STX6: variants seen among roughly 807,000 people sequenced by gnomAD.
STX6 encodes the protein syntaxin 6, also known as syntaxin-6.
A neutral mutation model predicts 38.0 loss-of-function variants in STX6; 23 were observed. The ratio of observed to expected loss-of-function variants is 0.60; its 90% confidence interval spans 0.43 to 0.86. The LOEUF (loss-of-function observed/expected upper bound fraction) is 0.86, where lower values mean the gene tolerates loss of function less well. STX6 is among the 40% of genes least tolerant of loss of function. The pLI is 0.00. For synonymous variants in STX6, 123 were observed against 107.5 expected, an observed-to-expected ratio of 1.14 and a Z score of -0.89; for missense variants, 274 against 312.9, an observed-to-expected ratio of 0.88 and a Z score of 0.94.
Position 181,022,711 on chromosome 1 carries a change from A to T in STX6, c.-38T>A, listed in dbSNP as rs576840013. ...CCGGCCGCCTTCACCTCCTCCGCGC[A>T]CAGGGCGCCCGTGCCTCCCGGTCTC... On this transcript the variant is annotated 5_prime_UTR_variant, in exon 1 of 8. Coordinates refer to ENST00000258301, the MANE Select transcript of STX6 (RefSeq NM_005819.6). 1.3e-6 allele frequency: 2 copies of T among 1,586,326 alleles called. No homozygotes were observed. The highest frequency in any genetic ancestry group is 1.8e-5 in the Admixed American group (1 of 56,664).
intron 1 of STX6, among the ~76,000 whole-genome samples, chr1:181,020,796 T>C (rs996033941): frequency 3.3e-5 from 5 of 152,244 alleles, no homozygotes; most frequent in Non-Finnish European, 7.3e-5. Flanking sequence ...GGGTAATTTG[T>C]TTCTCAGATT....
chr1:180,976,728 T>A, intron 7 of STX6, 82 bp from the exon 8 acceptor site: 1 of 1,362,548 alleles, frequency 7.3e-7, no homozygotes, highest in Non-Finnish European at 1.0e-6. Flanking sequence ...TATGGCACCC[T>A]TTGAAGCAGA....
intron 1 of STX6, among the ~76,000 whole-genome samples, chr1:181,009,849 G>A (rs1188203293): frequency 6.7e-6 from 1 of 149,446 alleles, no homozygotes; most frequent in African/African-American, 2.6e-5. Context: ...ACTAATGAGT[G>A]GATAAACTGT....
chr1:180,982,708 G>C (rs545643668), intron 7 of STX6, among the ~76,000 whole-genome samples: 1 of 152,190 alleles, frequency 6.6e-6, no homozygotes, highest in South Asian at 2.1e-4. Flanking sequence ...GAGGCCTGGA[G>C]TTTAAACTGG....
chr1:180,984,115 A>G (rs1426821818), intron 7 of STX6, among the ~76,000 whole-genome samples: 1 of 147,848 alleles, frequency 6.8e-6, no homozygotes, highest in Non-Finnish European at 1.5e-5. Flanking sequence ...CTCTACTGGG[A>G]AAAAAACCAA....
intron 1 of STX6, among the ~76,000 whole-genome samples, chr1:181,012,151 A>T (rs1656420169): frequency 6.6e-6 from 1 of 152,138 alleles, no homozygotes; most frequent in Non-Finnish European, 1.5e-5. Context: ...CTTCTTGGTA[A>T]ATAACAATCT....
intron 5 of STX6, chr1:180,988,738 C>A (rs967978193): frequency 1.2e-5 from 2 of 166,986 alleles, no homozygotes; most frequent in African/African-American, 4.8e-5. Context: ...CAGACTGCCA[C>A]AGCTTAAATA....
intron 2 of STX6, among the ~76,000 whole-genome samples, chr1:181,004,965 G>T (rs1339944076): frequency 1.3e-5 from 2 of 150,524 alleles, no homozygotes; most frequent in Admixed American, 6.6e-5. Context: ...AGAAAAAAAG[G>T]GTTTTTTTTT....
intron 2 of STX6, 80 bp from the exon 3 acceptor site, chr1:181,002,780 G>T: frequency 1.1e-6 from 1 of 939,682 alleles, no homozygotes; most frequent in Non-Finnish European, 1.7e-6. Flanking sequence ...TCTCTCACAT[G>T]CAAACAAATA....
At chr1:180,987,079 G>A (rs534105466) in intron 6 of STX6, among the ~76,000 whole-genome samples, 22 of 152,114 alleles carry the variant, frequency 1.4e-4, no homozygotes, top group African/African-American at 3.9e-4. Flanking sequence ...ATAAGTAGTC[G>A]TACCTCCTTA....
chr1:180,999,846 C>T (rs906646656), intron 3 of STX6, among the ~76,000 whole-genome samples: 4 of 152,072 alleles, frequency 2.6e-5, no homozygotes, highest in African/African-American at 4.8e-5. Flanking sequence ...CTAATTTGAA[C>T]TTCATTTCAT....
intron 2 of STX6, among the ~76,000 whole-genome samples, chr1:181,004,822 G>A (rs943640045): frequency 6.6e-6 from 1 of 152,082 alleles, no homozygotes; most frequent in Non-Finnish European, 1.5e-5. Flanking sequence ...CCTAGGGCTT[G>A]CAACTGGCAT....
At chr1:180,993,705 C>A (rs1655819907) in intron 3 of STX6, among the ~76,000 whole-genome samples, 1 of 152,138 alleles carries the variant, frequency 6.6e-6, no homozygotes, top group East Asian at 1.9e-4. Flanking sequence ...GTGCTAAACA[C>A]ATACACACAT....
chr1:181,018,938 G>C (rs2102336328), intron 1 of STX6, among the ~76,000 whole-genome samples: 1 of 152,282 alleles, frequency 6.6e-6, no homozygotes, highest in Admixed American at 6.5e-5. Context: ...TGTGAAATCA[G>C]GTTGTTCTAA....
intron 7 of STX6, among the ~76,000 whole-genome samples, chr1:180,984,088 A>AAAAAAAAAAAAAAAAAAAAAC (rs57204299): frequency 9.9e-6 from 1 of 101,374 alleles, no homozygotes; most frequent in Non-Finnish European, 2.4e-5. Context: ...AAAAAAAAAA[A>AAAAAAAAAAAAAAAAAAAAAC]AACACAACGA....
intron 1 of STX6, among the ~76,000 whole-genome samples, chr1:181,017,798 CAAA>C (rs1656604124): frequency 6.6e-6 from 1 of 152,060 alleles, no homozygotes; most frequent in Admixed American, 6.6e-5. Context: ...TTGGGTCCCT[CAAA>C]CACTTTGAGG....
At chr1:180,981,809 A>G (rs1264776307) in intron 7 of STX6, among the ~76,000 whole-genome samples, 1 of 152,196 alleles carries the variant, frequency 6.6e-6, no homozygotes, top group Non-Finnish European at 1.5e-5. Flanking sequence ...GGCTTCATGC[A>G]TAGAAGGAAC....
Position 180,976,453 on chromosome 1 carries a change from TGCA to T in STX6, c.*114_*116del. 1 of 913,182 alleles carries T rather than the reference TGCA, an allele frequency of 1.1e-6. No individual in the cohort carries two copies. The highest frequency in any genetic ancestry group is 1.8e-6 in the Non-Finnish European group (1 of 565,212). 56.6% of individuals were successfully genotyped at this position (913,182 alleles called of 1,614,324 possible). ...GTGGGGTCACACGGAGAAAAGTCAG[TGCA>T]GCAGTATGTTTCCAGGATAGGAATG... is the stretch of plus-strand genomic sequence containing the variant. On this transcript the variant is annotated 3_prime_UTR_variant, in exon 8 of 8. Coordinates refer to ENST00000258301, the MANE Select transcript of STX6 (RefSeq NM_005819.6).
intron 1 of STX6, among the ~76,000 whole-genome samples, chr1:181,013,992 C>T (rs1045085185): frequency 1.3e-5 from 2 of 152,188 alleles, no homozygotes; most frequent in Admixed American, 6.5e-5. Context: ...AGTCAAGCAG[C>T]GTCACTTCTG....
Sources: gnomAD v4.1 joint callset for allele counts (sites outside exome capture counted in the v4.1 genomes callset) on GRCh38, gnomAD v4.1.1 for gene constraint, MANE v1.5 for transcripts, NCBI Gene and HGNC (gene_info 2026-07-23, HGNC 2026-07-21) for gene names.